Variants in KLF13 observed in about 807,000 individuals in gnomAD.
KLF13 encodes Krueppel-like factor 13.
In KLF13, 8 loss-of-function variants were observed where a neutral mutation model predicts 16.7. That is an observed-to-expected ratio of 0.48 (90% CI 0.28 to 0.87). The LOEUF is 0.87. Among genes scored for constraint, KLF13 ranks in the 40% least tolerant of loss-of-function variants. The probability of loss-of-function intolerance (pLI) is 0.10; values close to 1 mark genes in which losing one functional copy is unlikely to be tolerated. For synonymous variants in KLF13, 245 were observed against 208.4 expected, an observed-to-expected ratio of 1.18 and a Z score of -1.51; for missense variants, 447 against 452.2, an observed-to-expected ratio of 0.99 and a Z score of 0.10.
At chr15:31,359,877 C>T (rs939816731) in intron 1 of KLF13, among the ~76,000 whole-genome samples, 8 of 152,194 alleles carry the variant, frequency 5.3e-5, no homozygotes, top group African/African-American at 1.9e-4. Context: ...AGCCTGGTTC[C>T]AGTAACCTTG....
chr15:31,331,322 G>A lies in KLF13; in HGVS notation c.577+3533G>A, dbSNP rs573353166. Among the ~76,000 whole-genome samples, 50 of 152,350 alleles carry A rather than the reference G, an allele frequency of 3.3e-4. No individual in the cohort carries two copies. In the East Asian group the frequency reaches 9.1e-3, roughly 28 times the overall value. Reference sequence around the variant, plus strand: ...CTGGCCCTGTTTGGGGTGGAGGAGGGAAGTAGAGTAAGATCACATTCTGTC... The same window carrying A: ...CTGGCCCTGTTTGGGGTGGAGGAGGAAAGTAGAGTAAGATCACATTCTGTC... On this transcript the variant is annotated intron_variant, in intron 1 of 1. Coordinates refer to ENST00000307145, the MANE Select transcript of KLF13 (RefSeq NM_015995.4).
intron 1 of KLF13, among the ~76,000 whole-genome samples, chr15:31,344,499 G>T (rs980860112): frequency 2.0e-5 from 3 of 152,260 alleles, no homozygotes; most frequent in African/African-American, 4.8e-5. Flanking sequence ...GCCTTTGGGG[G>T]TGACTTCACC....
At chr15:31,364,101 A>C (rs575691694) in intron 1 of KLF13, among the ~76,000 whole-genome samples, 31 of 50,340 alleles carry the variant, frequency 6.2e-4, no homozygotes, top group African/African-American at 1.8e-3. Context: ...AGCTTACGAA[A>C]CTGTGTTGAA....
At chr15:31,351,831 G>C (rs1275206494) in intron 1 of KLF13, among the ~76,000 whole-genome samples, 1 of 152,168 alleles carries the variant, frequency 6.6e-6, no homozygotes, top group African/African-American at 2.4e-5. Flanking sequence ...TGGCCAACAT[G>C]GTGAAACACT....
In KLF13 at chr15:31,336,552, C is replaced by G. The variant is rs779546049; in HGVS notation, c.577+8763C>G. ...TGAGCCTTTCTACTTGTCTTTAACC[C>G]TTTTATTGTCTAAATGCTCACTAAA... On this transcript the variant is annotated intron_variant, in intron 1 of 1. Coordinates refer to ENST00000307145, the MANE Select transcript of KLF13 (RefSeq NM_015995.4). 3.3e-5 allele frequency among the ~76,000 whole-genome samples: 5 copies of G among 152,140 alleles called. No homozygotes were observed. In the South Asian group the frequency reaches 8.3e-4, roughly 25 times the overall value.
Position 31,432,429 on chromosome 15 carries a change from C to T in KLF13, n.118-2941C>T, listed in dbSNP as rs1389592804. On this transcript the variant is annotated intron_variant and non_coding_transcript_variant, in intron 1 of 1. Coordinates refer to the KLF13 transcript ENST00000558225. The stretch of plus-strand genomic sequence containing the variant: ...CTTGATTCCTCCCTTTTCTTGCTTT[C>T]TTTCTTGTTCTCTCTTTCTTTCCTT... Among the ~76,000 whole-genome samples the T allele has an allele frequency of 1.7e-4, 21 of 120,714 alleles. No individual in the cohort carries two copies. The East Asian group carries it at 5.8e-3, about 34-fold the overall frequency. 79.2% of individuals were successfully genotyped at this position (120,714 alleles called of 152,430 possible).
At chr15:31,390,417 A>G (rs2140982036), upstream of KLF13, among the ~76,000 whole-genome samples, 1 of 152,320 alleles carries the variant, frequency 6.6e-6, no homozygotes, top group East Asian at 1.9e-4. Context: ...TTGGCCTAGT[A>G]TAGAAAACAA....
At chr15:31,378,699 C>T (rs1000747524), downstream of KLF13, among the ~76,000 whole-genome samples, 1 of 152,184 alleles carries the variant, frequency 6.6e-6, no homozygotes, top group Non-Finnish European at 1.5e-5. Flanking sequence ...ACATGACTAC[C>T]TGTTCTTTTT....
At chr15:31,338,969 C>G (rs1258966449) in intron 1 of KLF13, among the ~76,000 whole-genome samples, 2 of 152,082 alleles carry the variant, frequency 1.3e-5, no homozygotes, top group South Asian at 2.1e-4. Context: ...GAAGGCACCC[C>G]TTCTTTGTGC....
At chr15:31,338,001 G>T (rs374884207) in intron 1 of KLF13, among the ~76,000 whole-genome samples, 1 of 152,164 alleles carries the variant, frequency 6.6e-6, no homozygotes, top group Admixed American at 6.5e-5. Context: ...CTGTGTTGGC[G>T]AGCAGGTAGG....
chr15:31,384,807 A>T (rs1437116855), intron 1 of KLF13, among the ~76,000 whole-genome samples: 1 of 152,208 alleles, frequency 6.6e-6, no homozygotes, highest in Admixed American at 6.5e-5. Context: ...CCCAAAAACC[A>T]TGCTGCACCA....
At position 31,383,629 on chromosome 15, in the gene KLF13, G is replaced by A. The variant is rs191616843; in HGVS notation, n.224-51741G>A. On this transcript the variant is annotated intron_variant and non_coding_transcript_variant, in intron 1 of 1. Coordinates refer to the KLF13 transcript ENST00000558921. ...AAAAATATCAAGATGGGCCGGGCGC[G>A]GTGGCTCACGCCTATAATCCCAGCA... Among the ~76,000 whole-genome samples, 67 of 152,340 alleles carry A rather than the reference G, an allele frequency of 4.4e-4. 1 individual carries two copies. Among genetic ancestry groups the A allele is most frequent in the Admixed American group, 2.1e-3 (32 of 15,304 alleles).
intron 1 of KLF13, among the ~76,000 whole-genome samples, chr15:31,368,043 C>G (rs533431524): frequency 2.0e-5 from 3 of 151,688 alleles, no homozygotes; most frequent in East Asian, 1.9e-4. Flanking sequence ...CTGCCTTCCC[C>G]GTCTCCCTCA....
At chr15:31,386,309 C>G (rs917206775) in intron 1 of KLF13, among the ~76,000 whole-genome samples, 2 of 152,194 alleles carry the variant, frequency 1.3e-5, no homozygotes, top group African/African-American at 4.8e-5. Context: ...ACCAGCCTAG[C>G]TAACACGGTG....
downstream of KLF13, among the ~76,000 whole-genome samples, chr15:31,379,891 G>T (rs1036994559): frequency 6.6e-6 from 1 of 152,180 alleles, no homozygotes; most frequent in African/African-American, 2.4e-5. Flanking sequence ...GCGAAGTGCT[G>T]TGTCTGGCTG....
In KLF13 at chr15:31,401,396, G is replaced by C. The variant is rs184426252; in HGVS notation, n.530-2032G>C. Among the ~76,000 whole-genome samples the C allele has an allele frequency of 7.1e-4, 108 of 152,314 alleles. 1 individual carries two copies. The highest frequency in any genetic ancestry group is 2.4e-3 in the African/African-American group (100 of 41,564). ...TGGGCCTGCTTTTTGTCCCCCGGGT[G>C]GGGTGTAACATCCCAGCTGGCTTGA... On this transcript the variant is annotated intron_variant and non_coding_transcript_variant, in intron 2 of 2. Transcript: ENST00000500533.
intron 1 of KLF13, chr15:31,420,584 G>C: frequency 2.2e-6 from 1 of 452,444 alleles, no homozygotes; most frequent in African/African-American, 2.0e-5. Context: ...CATGCATGCT[G>C]TTGAGTTCTG....
intron 1 of KLF13, among the ~76,000 whole-genome samples, chr15:31,332,410 A>G (rs539214009): frequency 6.6e-6 from 1 of 152,334 alleles, no homozygotes; most frequent in East Asian, 1.9e-4. Context: ...TCTCTTGGCC[A>G]TCTTCAGTTC....
At chr15:31,368,820 TTAGATAGA>T (rs373136224) in intron 1 of KLF13, among the ~76,000 whole-genome samples, 50 of 151,834 alleles carry the variant, frequency 3.3e-4, no homozygotes, top group African/African-American at 1.1e-3. Flanking sequence ...CTATCTCAGA[TTAGATAGA>T]TAGATAGATA....
Sources: allele counts gnomAD v4.1 joint callset (sites outside exome capture counted in the v4.1 genomes callset), GRCh38; gene constraint gnomAD v4.1.1; transcripts MANE v1.5; gene names NCBI Gene and HGNC (gene_info 2026-07-23, HGNC 2026-07-21).